SGK3: variants seen among roughly 807,000 people sequenced by gnomAD.
SGK3 encodes serum/glucocorticoid regulated kinase family member 3.
SGK3 carries 47 observed loss-of-function variants against 68.5 expected under a neutral mutation model. That is an observed-to-expected ratio of 0.69 (90% CI 0.54 to 0.87). The LOEUF (loss-of-function observed/expected upper bound fraction) is 0.87. Among genes scored for constraint, SGK3 ranks in the 40% least tolerant of loss-of-function variants. The pLI, the probability that SGK3 is intolerant of heterozygous loss-of-function variation, is 0.00. For missense variants in SGK3, 479 were observed against 575.5 expected (o/e 0.83, Z 1.72); for synonymous variants, 181 against 189.1 (o/e 0.96, Z 0.35).
chr8:66,779,067 T>A (rs1387681201), intron 1 of SGK3, among the ~76,000 whole-genome samples: 1 of 152,204 alleles, frequency 6.6e-6, no homozygotes. Context: ...CATTGTTTAA[T>A]CTTAAAAAAA....
chr8:66,824,811 T>C (rs560701685), intron 6 of SGK3, among the ~76,000 whole-genome samples: 1 of 152,316 alleles, frequency 6.6e-6, no homozygotes, highest in Admixed American at 6.5e-5. Context: ...TTAAAACATA[T>C]GCATATTCAC....
At chr8:66,727,753 T>C (rs1045635398) in intron 1 of SGK3, among the ~76,000 whole-genome samples, 4 of 152,222 alleles carry the variant, frequency 2.6e-5, no homozygotes, top group Admixed American at 6.5e-5. Context: ...TCTTGGACTT[T>C]CCAGCCTCTA....
chr8:66,720,414 C>T (rs1347498353), intron 1 of SGK3, among the ~76,000 whole-genome samples: 1 of 152,118 alleles, frequency 6.6e-6, no homozygotes, highest in Admixed American at 6.6e-5. Flanking sequence ...GGGCAGATCG[C>T]TTGAGCTCAG....
rs113675222 is a variant in SGK3 at position 66,759,649 on chromosome 8, TTTTGTTTGTTTG to T, written c.-121-33946_-121-33935del. Among the ~76,000 whole-genome samples the T allele has an allele frequency of 7.3e-4, 111 of 151,608 alleles. 1 individual carries two copies. The East Asian group carries it at 0.02, about 27-fold the overall frequency. On this transcript the variant is annotated intron_variant, in intron 1 of 16. Transcript: ENST00000521198. ...GTTTCACCATTTTGGCCAGGATGGTTTTTGTTTGTTTGTTTGTTTGTTTGTTTGTTTGAGATG... is the reference window on the plus strand; with the variant it reads ...GTTTCACCATTTTGGCCAGGATGGTTTTTGTTTGTTTGTTTGTTTGAGATG...
At chr8:66,729,457 A>G (rs544748150) in intron 1 of SGK3, among the ~76,000 whole-genome samples, 35 of 147,442 alleles carry the variant, frequency 2.4e-4, no homozygotes, top group Admixed American at 5.3e-4. Flanking sequence ...CTCCATCTCA[A>G]AGAAAAGAAA....
At chr8:66,852,969 C>T (rs1810354382) in intron 16 of SGK3, among the ~76,000 whole-genome samples, 1 of 152,196 alleles carries the variant, frequency 6.6e-6, no homozygotes, top group South Asian at 2.1e-4. Context: ...ACAGTATTGA[C>T]TTCAGACTCA....
intron 14 of SGK3, among the ~76,000 whole-genome samples, chr8:66,846,265 C>T (rs1810009511): frequency 6.6e-6 from 1 of 152,156 alleles, no homozygotes. Flanking sequence ...CTTCTTTCCT[C>T]TTATTCCCAG....
At chr8:66,732,481 C>G (rs1214446476) in intron 1 of SGK3, among the ~76,000 whole-genome samples, 1 of 147,168 alleles carries the variant, frequency 6.8e-6, no homozygotes, top group African/African-American at 2.5e-5. Context: ...GTACGAGACT[C>G]TGTCTCCAAA....
chr8:66,805,605 C>T lies in SGK3; in HGVS notation c.253+1158C>T, dbSNP rs186128939. Among the ~76,000 whole-genome samples the T allele has an allele frequency of 2.1e-4, 32 of 152,230 alleles. 2 individuals carry two copies. Among genetic ancestry groups the T allele is most frequent in the Admixed American group, 2.0e-3 (30 of 15,298 alleles). On this transcript the variant is annotated intron_variant, in intron 4 of 16. Coordinates refer to ENST00000521198, the MANE Select transcript of SGK3 (RefSeq NM_001033578.3). Reference sequence around the variant, plus strand: ...ACACAGAGGGTCTCAGCATCTAGCACCTCTATGACTAAAGCTGCAGGCATG... The same window carrying T: ...ACACAGAGGGTCTCAGCATCTAGCATCTCTATGACTAAAGCTGCAGGCATG...
At chr8:66,777,803 G>A (rs1007832174) in intron 1 of SGK3, among the ~76,000 whole-genome samples, 3 of 152,214 alleles carry the variant, frequency 2.0e-5, no homozygotes, top group African/African-American at 4.8e-5. Flanking sequence ...TCCTATAGAT[G>A]AAGAGATGAG....
intron 1 of SGK3, among the ~76,000 whole-genome samples, chr8:66,751,822 G>C: frequency 6.6e-6 from 1 of 151,866 alleles, no homozygotes; most frequent in African/African-American, 2.4e-5. Context: ...CTGGAGTGCA[G>C]TGGCGCGATC....
At chr8:66,842,558 A>T (rs1809840535) in intron 13 of SGK3, among the ~76,000 whole-genome samples, 1 of 152,178 alleles carries the variant, frequency 6.6e-6, no homozygotes, top group Admixed American at 6.5e-5. Flanking sequence ...ATATGGGAAG[A>T]GGTAATATAT....
chr8:66,755,714 C>T (rs1174566155), intron 1 of SGK3, among the ~76,000 whole-genome samples: 1 of 152,218 alleles, frequency 6.6e-6, no homozygotes, highest in Admixed American at 6.5e-5. Flanking sequence ...GTGAACATGA[C>T]AGACGCAGTC....
At chr8:66,767,478 G>A in intron 1 of SGK3, 1 of 1,474,442 alleles carries the variant, frequency 6.8e-7, no homozygotes, top group South Asian at 1.1e-5. Context: ...GCAACAGATT[G>A]GATTTCCATG....
Position 66,835,980 on chromosome 8 carries a change from A to G in SGK3, c.647A>G (p.Lys216Arg). 1 of 1,613,788 alleles carries G rather than the reference A, an allele frequency of 6.2e-7. No individual in the cohort carries two copies. The highest frequency in any genetic ancestry group is 8.5e-7 in the Non-Finnish European group (1 of 1,179,886). Reference sequence around the variant, plus strand: ...ATGGCTGAACGTAATGTGCTCTTGAAAAATGTGAAACATCCGTTTTTGGTT... The same window carrying G: ...ATGGCTGAACGTAATGTGCTCTTGAGAAATGTGAAACATCCGTTTTTGGTT... ...HIMAERNVLLKNVKHPFLVGL... is the reference protein window; with the variant it reads ...HIMAERNVLLRNVKHPFLVGL... Residue 216 changes from lysine to arginine, a missense_variant, in exon 10 of 17, where the codon AAA (lysine) becomes AGA (arginine). By Grantham distance (26) the Lys-to-Arg change is conservative. Around this residue, in one of 3 missense-constraint regions of SGK3, gnomAD observed 298 missense variants for 329.4 expected, o/e 0.90. Transcript: ENST00000521198.
chr8:66,729,338 C>A (rs1228229597), intron 1 of SGK3, among the ~76,000 whole-genome samples: 1 of 151,922 alleles, frequency 6.6e-6, no homozygotes, highest in African/African-American at 2.4e-5. Flanking sequence ...CGCCTGTAGT[C>A]CCAGCTACTC....
chr8:66,772,502 C>T (rs1806543754), intron 1 of SGK3, among the ~76,000 whole-genome samples: 1 of 151,694 alleles, frequency 6.6e-6, no homozygotes, highest in Non-Finnish European at 1.5e-5. Context: ...TCAAGTGATC[C>T]TCCTACCTCA....
At chr8:66,821,461 C>T (rs1808814613) in intron 5 of SGK3, among the ~76,000 whole-genome samples, 2 of 151,984 alleles carry the variant, frequency 1.3e-5, no homozygotes, top group African/African-American at 4.8e-5. Context: ...CTTACTGTTA[C>T]AGAAAATGCT....
intron 4 of SGK3, among the ~76,000 whole-genome samples, chr8:66,809,133 G>A (rs950049682): frequency 2.0e-5 from 3 of 152,098 alleles, no homozygotes; most frequent in Admixed American, 6.6e-5. Flanking sequence ...CTCCCAAAGT[G>A]CTGGGATTAC....
Sources: allele counts gnomAD v4.1 joint callset (sites outside exome capture counted in the v4.1 genomes callset), GRCh38; gene constraint gnomAD v4.1.1; regional missense constraint gnomAD v4.1.1; transcripts MANE v1.5; gene names NCBI Gene and HGNC (gene_info 2026-07-23, HGNC 2026-07-21).